Variants in KLHL4 observed in about 807,000 individuals in gnomAD.
KLHL4 encodes kelch-like protein 4.
KLHL4 carries 17 observed loss-of-function variants against 45.8 expected under a neutral mutation model. The ratio of observed to expected loss-of-function variants is 0.37; its 90% CI spans 0.25 to 0.56. KLHL4 has a LOEUF of 0.56. Ranked by LOEUF, KLHL4 falls within the 20% of genes least tolerant of loss-of-function variation. The pLI is 0.79. For synonymous variants in KLHL4, 224 were observed against 189.9 expected (o/e 1.18, Z -1.47); for missense variants, 544 against 544.9 (o/e 1.00, Z 0.02).
chrX:87,590,303 A>AC (rs1157848307), intron 1 of KLHL4, among the ~76,000 whole-genome samples: 6 of 109,444 alleles, frequency 5.5e-5, no homozygotes, highest in Non-Finnish European at 1.9e-5. Flanking sequence ...AATCAGCCAA[A>AC]CCCCCCCAGA....
chrX:87,549,122 A>T (rs1324421146), intron 1 of KLHL4, among the ~76,000 whole-genome samples: 1 of 111,046 alleles, frequency 9.0e-6, no homozygotes, highest in Non-Finnish European at 1.9e-5. Flanking sequence ...AGGAGTTGCT[A>T]TACTTATATC....
chrX:87,611,699 T>A (rs1259111913), intron 1 of KLHL4, among the ~76,000 whole-genome samples: 1 of 111,064 alleles, frequency 9.0e-6, no homozygotes, highest in African/African-American at 3.3e-5. Context: ...TATACTATTT[T>A]TACCACTATT....
intron 9 of KLHL4, among the ~76,000 whole-genome samples, chrX:87,663,382 A>G (rs926306758): frequency 5.3e-5 from 6 of 112,402 alleles, no homozygotes; most frequent in Non-Finnish European, 1.1e-4. Context: ...GCTCCTGTGT[A>G]TCTTTACAGA....
In KLHL4 at chrX:87,668,666, A is replaced by G. The variant is rs750331482; in HGVS notation, c.*2132A>G. The G allele has an allele frequency of 2.8e-5, 4 of 141,849 alleles. No homozygotes were observed. Among genetic ancestry groups the G allele is most frequent in the Non-Finnish European group, 4.9e-5 (4 of 81,907 alleles). 11.7% of individuals were successfully genotyped at this position (141,849 alleles called of 1,213,427 possible). Reference sequence around the variant, plus strand: ...TAATCCATTCATGGATTAATGGATTATTATGAGTGGGGGACTGGTGACTTT... The same window carrying G: ...TAATCCATTCATGGATTAATGGATTGTTATGAGTGGGGGACTGGTGACTTT... On this transcript the variant is annotated 3_prime_UTR_variant, in exon 11 of 11. Coordinates refer to ENST00000373119, the MANE Select transcript of KLHL4 (RefSeq NM_019117.5).
chrX:87,656,854 G>T (rs1924006336), intron 9 of KLHL4, among the ~76,000 whole-genome samples: 1 of 111,457 alleles, frequency 9.0e-6, no homozygotes, highest in Non-Finnish European at 1.9e-5. Context: ...ACTTTTATTT[G>T]GATGAGACAT....
intron 10 of KLHL4, among the ~76,000 whole-genome samples, 183 bp from the exon 11 acceptor site, chrX:87,666,291 TC>T (rs1924365779): frequency 9.0e-6 from 1 of 111,633 alleles, no homozygotes; most frequent in African/African-American, 3.2e-5. Flanking sequence ...TTTTTACCAT[TC>T]TAAAGGCTAT....
At chrX:87,611,435 G>A (rs966637653) in intron 1 of KLHL4, among the ~76,000 whole-genome samples, 2 of 110,315 alleles carry the variant, frequency 1.8e-5, no homozygotes, top group African/African-American at 3.3e-5. Context: ...ATGAAAAACC[G>A]CTTATATGAT....
intron 1 of KLHL4, among the ~76,000 whole-genome samples, chrX:87,559,515 A>C (rs1356797056): frequency 8.9e-6 from 1 of 111,934 alleles, no homozygotes; most frequent in East Asian, 2.8e-4. Flanking sequence ...CTATTGTTAA[A>C]GAAGGTAAAA....
At chrX:87,615,472 C>A (rs781056792) in intron 3 of KLHL4, among the ~76,000 whole-genome samples, 1 of 111,049 alleles carries the variant, frequency 9.0e-6, no homozygotes, top group South Asian at 3.7e-4. Flanking sequence ...CTTAGCAATT[C>A]CATTCATAGT....
intron 1 of KLHL4, among the ~76,000 whole-genome samples, chrX:87,595,388 A>G (rs1186631158): frequency 8.9e-6 from 1 of 112,115 alleles, no homozygotes; most frequent in Non-Finnish European, 1.9e-5. Context: ...CACATTCTTC[A>G]TGATCTGTGG....
At chrX:87,627,943 T>G (rs1922983591) in intron 6 of KLHL4, among the ~76,000 whole-genome samples, 1 of 111,240 alleles carries the variant, frequency 9.0e-6, no homozygotes, top group South Asian at 3.7e-4. Context: ...TAAGTATCTA[T>G]AACTCCTTAT....
intron 1 of KLHL4, among the ~76,000 whole-genome samples, chrX:87,570,964 T>G (rs1321178745): frequency 3.6e-5 from 4 of 110,947 alleles, no homozygotes; most frequent in Non-Finnish European, 7.6e-5. Context: ...AAATTGGGAT[T>G]CATTAACAGC....
chrX:87,527,422 C>G (rs1931134078), intron 1 of KLHL4, among the ~76,000 whole-genome samples: 1 of 111,533 alleles, frequency 9.0e-6, no homozygotes, highest in Non-Finnish European at 1.9e-5. Flanking sequence ...AGCACCACAA[C>G]CCTGGCTGCC....
In KLHL4 at chrX:87,667,140, C is replaced by T. The variant is rs1924397933; in HGVS notation, c.*606C>T. ...ACTTGTTATGTTGATCGCGGTATGTCAAAATTTTTACAGGTTTGCTCATCT... is the reference window on the plus strand; with the variant it reads ...ACTTGTTATGTTGATCGCGGTATGTTAAAATTTTTACAGGTTTGCTCATCT... On this transcript the variant is annotated 3_prime_UTR_variant, in exon 11 of 11. Coordinates refer to ENST00000373119, the MANE Select transcript of KLHL4 (RefSeq NM_019117.5). 1.3e-6 allele frequency: 1 copy of T among 750,745 alleles called. No homozygotes were observed. The highest frequency in any genetic ancestry group is 2.3e-5 in the African/African-American group (1 of 42,912). 61.9% of individuals were successfully genotyped at this position (750,745 alleles called of 1,213,427 possible). A position where few individuals can be genotyped will look rare whatever the true frequency, so the allele number is the denominator to read the frequency against.
intron 9 of KLHL4, among the ~76,000 whole-genome samples, chrX:87,664,555 A>T (rs1312942510): frequency 8.9e-6 from 1 of 112,083 alleles, no homozygotes; most frequent in Non-Finnish European, 1.9e-5. Context: ...TGGAAAGGGA[A>T]ACTTTTTCAA....
At chrX:87,602,377 C>G (rs1922046627) in intron 1 of KLHL4, among the ~76,000 whole-genome samples, 3 of 111,597 alleles carry the variant, frequency 2.7e-5, no homozygotes, top group African/African-American at 6.5e-5. Context: ...CTCATTCACC[C>G]ACCCAGAGCG....
At chrX:87,600,302 C>A (rs1921970494) in intron 1 of KLHL4, among the ~76,000 whole-genome samples, 1 of 110,044 alleles carries the variant, frequency 9.1e-6, no homozygotes, top group Non-Finnish European at 1.9e-5. Flanking sequence ...GCTAACATGG[C>A]GAAACCCCGT....
intron 1 of KLHL4, among the ~76,000 whole-genome samples, chrX:87,584,757 T>C (rs1447313977): frequency 9.1e-6 from 1 of 109,484 alleles, no homozygotes; most frequent in African/African-American, 3.3e-5. Flanking sequence ...CTAAAAGTTA[T>C]TGGCCTTAAA....
At chrX:87,605,023 T>A (rs1314288789) in intron 1 of KLHL4, among the ~76,000 whole-genome samples, 1 of 111,436 alleles carries the variant, frequency 9.0e-6, no homozygotes, top group African/African-American at 3.3e-5. Context: ...ATTGAAGAAA[T>A]TTTTCCCAGT....
Sources: allele counts gnomAD v4.1 joint callset (sites outside exome capture counted in the v4.1 genomes callset), GRCh38; gene constraint gnomAD v4.1.1; transcripts MANE v1.5; gene names NCBI Gene and HGNC (gene_info 2026-07-23, HGNC 2026-07-21).